The following RIC1 variants were observed in gnomAD, a reference collection of about 807,000 sequenced individuals.
RIC1 encodes guanine nucleotide exchange factor subunit RIC1.
Under a neutral mutation model 169.0 loss-of-function variants are expected in RIC1, and 88 were observed. The ratio of observed to expected loss-of-function variants is 0.52; its 90% CI spans 0.44 to 0.62. The LOEUF (loss-of-function observed/expected upper bound fraction) is 0.62. RIC1 is among the 20% of genes least tolerant of loss of function. The pLI is 0.00. For missense variants in RIC1, 1,877 were observed against 1,725.5 expected, an observed-to-expected ratio of 1.09 and a Z score of -1.56; for synonymous variants, 790 against 601.5, an observed-to-expected ratio of 1.31 and a Z score of -4.59.
rs768505543 is a variant in RIC1 at position 5,765,484 on chromosome 9, A to C, written c.2912A>C (p.Lys971Thr). Reference protein sequence around the residue: ...LLFNTALEQGKWDLCRHMIRF... With the variant: ...LLFNTALEQGTWDLCRHMIRF... ...TTCAACACAGCACTAGAACAAGGCA[A>C]GTGGGACCTTTGTCGACACATGATT... The change falls in exon 20 of 26, where the codon AAG (lysine) becomes ACG (threonine). Residue 971 changes from lysine to threonine, a missense_variant. By Grantham distance (78) the Lys-to-Thr change is moderately conservative (BLOSUM62 -1). Around this residue, in one of 3 missense-constraint regions of RIC1, gnomAD observed 681 missense variants for 582.0 expected, o/e 1.17. Coordinates refer to ENST00000414202, the MANE Select transcript of RIC1 (RefSeq NM_020829.4). 6.2e-7 allele frequency: 1 copy of C among 1,614,198 alleles called. No homozygotes were observed. The highest frequency in any genetic ancestry group is 1.1e-5 in the South Asian group (1 of 91,084).
At chr9:5,706,471 A>G (rs551570256) in intron 3 of RIC1, among the ~76,000 whole-genome samples, 1 of 152,244 alleles carries the variant, frequency 6.6e-6, no homozygotes, top group South Asian at 2.1e-4. Flanking sequence ...AATGAATTAG[A>G]AAGTGTTCCC....
chr9:5,749,125 A>C (rs1018092174), intron 12 of RIC1, among the ~76,000 whole-genome samples: 1 of 152,236 alleles, frequency 6.6e-6, no homozygotes, highest in African/African-American at 2.4e-5. Context: ...TGACTTGTCC[A>C]GTTCACCCAG....
chr9:5,681,373 C>T (rs559610462), intron 2 of RIC1, among the ~76,000 whole-genome samples: 4 of 152,220 alleles, frequency 2.6e-5, no homozygotes, highest in East Asian at 3.9e-4. Context: ...TCTTTGTTCT[C>T]GTTGGTTTCA....
intron 12 of RIC1, among the ~76,000 whole-genome samples, chr9:5,749,181 A>G (rs1259810084): frequency 6.6e-6 from 1 of 152,218 alleles, no homozygotes; most frequent in Non-Finnish European, 1.5e-5. Flanking sequence ...ACGTTAAAGT[A>G]AAAATCTAAT....
intron 19 of RIC1, among the ~76,000 whole-genome samples, chr9:5,764,761 C>T (rs754185996): frequency 7.2e-5 from 11 of 152,114 alleles, no homozygotes; most frequent in Non-Finnish European, 1.0e-4. Flanking sequence ...TTTTTGGTTC[C>T]GGGTCACTCC....
At chr9:5,635,650 C>T (rs1339000616) in intron 1 of RIC1, among the ~76,000 whole-genome samples, 1 of 152,186 alleles carries the variant, frequency 6.6e-6, no homozygotes, top group Non-Finnish European at 1.5e-5. Flanking sequence ...AATTTCATCT[C>T]TAATCGTAAT....
At chr9:5,745,885 G>A (rs1825345728) in intron 10 of RIC1, 46 bp from the exon 11 acceptor site, 3 of 1,543,812 alleles carry the variant, frequency 1.9e-6, no homozygotes, top group South Asian at 1.2e-5. Context: ...GGATACAAAA[G>A]CCTTTTATTG....
At position 5,770,203 on chromosome 9, in the gene RIC1, C is replaced by T. The variant is rs1827114064; in HGVS notation, c.3541C>T (p.His1181Tyr). 6.2e-7 allele frequency: 1 copy of T among 1,614,044 alleles called. No homozygotes were observed. The highest frequency in any genetic ancestry group is 8.5e-7 in the Non-Finnish European group (1 of 1,179,926). Residue 1181 changes from histidine (H) to tyrosine (Y), a missense_variant, in exon 23 of 26, where the codon CAT (histidine) becomes TAT (tyrosine). Physicochemically the swap from His to Tyr is moderately conservative, Grantham distance 83. Coordinates refer to ENST00000414202, the MANE Select transcript of RIC1 (RefSeq NM_020829.4). Reference protein sequence around the residue: ...QSWLSNIGPTHHEIDTASSHG... With the variant: ...QSWLSNIGPTYHEIDTASSHG... ...CTGGCTCAGCAACATTGGCCCCACCCATCATGAGATAGACACAGCTTCATC... is the reference window on the plus strand; with the variant it reads ...CTGGCTCAGCAACATTGGCCCCACCTATCATGAGATAGACACAGCTTCATC...
intron 7 of RIC1, among the ~76,000 whole-genome samples, chr9:5,738,204 A>G (rs551283317): frequency 1.9e-4 from 29 of 152,292 alleles, no homozygotes; most frequent in African/African-American, 6.7e-4. Flanking sequence ...AATTATCACA[A>G]TAGTACAATG....
chr9:5,740,582 C>G (rs187590010), intron 8 of RIC1, among the ~76,000 whole-genome samples: 2 of 151,476 alleles, frequency 1.3e-5, no homozygotes, highest in South Asian at 2.1e-4. Context: ...AGTTCCAAAA[C>G]TGAAGAACTT....
At chr9:5,682,168 A>C (rs1404544408) in intron 2 of RIC1, among the ~76,000 whole-genome samples, 1 of 152,102 alleles carries the variant, frequency 6.6e-6, no homozygotes, top group African/African-American at 2.4e-5. Flanking sequence ...ATTTAAGGTT[A>C]ATATTGTTAT....
downstream of RIC1, among the ~76,000 whole-genome samples, chr9:5,777,488 C>T (rs952788178): frequency 4.0e-5 from 6 of 151,686 alleles, no homozygotes; most frequent in Non-Finnish European, 5.9e-5. Context: ...TACAATCACA[C>T]GGACTCTGAA....
rs111804730 is a variant in RIC1, at chr9:5,677,121, T to C, written c.253-12838T>C. ...ATGTGAAACTTTTCTGAAGTAGTTATACCATTTTACATTCCCGCTAGCAGT... is the reference window on the plus strand; with the variant it reads ...ATGTGAAACTTTTCTGAAGTAGTTACACCATTTTACATTCCCGCTAGCAGT... On this transcript the variant is annotated intron_variant, in intron 2 of 25. Transcript: ENST00000414202. Among the ~76,000 whole-genome samples, 691 of 152,374 alleles carry C rather than the reference T, an allele frequency of 4.5e-3. 3 individuals carry two copies. The highest frequency in any genetic ancestry group is 0.015 in the African/African-American group (609 of 41,598).
chr9:5,672,498 C>T lies in RIC1; in HGVS notation c.252+15808C>T, dbSNP rs111663060. ...CCTTGTGAGAGCTGAATCTTTTGTT[C>T]CAGAAGATCAAATAGAAACAATTTC... On this transcript the variant is annotated intron_variant, in intron 2 of 25. Coordinates refer to ENST00000414202, the MANE Select transcript of RIC1 (RefSeq NM_020829.4). 4.6e-5 allele frequency among the ~76,000 whole-genome samples: 7 copies of T among 152,008 alleles called. No homozygotes were observed. The East Asian group carries it at 7.7e-4, about 17-fold the overall frequency.
At chr9:5,703,693 C>T (rs548315409) in intron 3 of RIC1, among the ~76,000 whole-genome samples, 25 of 152,302 alleles carry the variant, frequency 1.6e-4, no homozygotes, top group African/African-American at 5.5e-4. Flanking sequence ...CGTGTTTTAG[C>T]ATGTATCAGT....
intron 15 of RIC1, among the ~76,000 whole-genome samples, chr9:5,755,871 C>T (rs560918430): frequency 2.6e-5 from 4 of 151,774 alleles, no homozygotes; most frequent in African/African-American, 7.3e-5. Context: ...TGCAGTGAGC[C>T]GAGATCATGC....
chr9:5,687,320 A>G (rs57195876), intron 2 of RIC1, among the ~76,000 whole-genome samples: 6,386 of 152,032 alleles, frequency 0.042, 452 homozygotes, highest in African/African-American at 0.14. Flanking sequence ...TCTGTTTTCT[A>G]TTTCATTGAT....
intron 2 of RIC1, among the ~76,000 whole-genome samples, chr9:5,658,175 A>T (rs1420001564): frequency 6.6e-6 from 1 of 152,088 alleles, no homozygotes; most frequent in Non-Finnish European, 1.5e-5. Flanking sequence ...AGACAAAAAG[A>T]CTTTGTTTTG....
At chr9:5,679,684 T>G (rs1427130145) in intron 2 of RIC1, among the ~76,000 whole-genome samples, 1 of 152,264 alleles carries the variant, frequency 6.6e-6, no homozygotes, top group Admixed American at 6.5e-5. Context: ...TTTTGCACAT[T>G]GATTTTGTAT....
Sources: gnomAD v4.1 joint callset for allele counts (sites outside exome capture counted in the v4.1 genomes callset) on GRCh38, gnomAD v4.1.1 for gene constraint, gnomAD v4.1.1 regional missense constraint, MANE v1.5 for transcripts, NCBI Gene and HGNC (gene_info 2026-07-23, HGNC 2026-07-21) for gene names.